The following USP34 variants were observed in gnomAD, a reference collection of about 807,000 sequenced individuals.
USP34 encodes ubiquitin specific peptidase 34.
USP34 carries 70 observed loss-of-function variants against 460.3 expected under a neutral mutation model. The ratio of observed to expected loss-of-function variants is 0.15; its 90% CI spans 0.13 to 0.19. USP34 has a LOEUF of 0.19. Among genes scored for constraint, USP34 ranks in the 10% least tolerant of loss-of-function variants. The probability of loss-of-function intolerance (pLI) is 1.00; values close to 1 mark genes in which losing one functional copy is unlikely to be tolerated. For synonymous variants in USP34, 1,647 were observed against 1,405.3 expected, an observed-to-expected ratio of 1.17 and a Z score of -3.85; for missense variants, 3,985 against 4,236.2, an observed-to-expected ratio of 0.94 and a Z score of 1.65.
intron 30 of USP34, 70 bp downstream of exon 30, chr2:61,296,727 ATCT>A: frequency 6.8e-7 from 1 of 1,470,424 alleles, no homozygotes. Context: ...TCAACAGGCA[ATCT>A]TCTACACTGT....
At chr2:61,430,400 TC>T (rs1398065371) in intron 1 of USP34, among the ~76,000 whole-genome samples, 4 of 151,990 alleles carry the variant, frequency 2.6e-5, no homozygotes, top group Non-Finnish European at 5.9e-5. Flanking sequence ...CAAGACTGTC[TC>T]AAAAAATAAT....
chr2:61,386,800 AC>A (rs1475637741), intron 5 of USP34, among the ~76,000 whole-genome samples: 1 of 152,140 alleles, frequency 6.6e-6, no homozygotes, highest in Admixed American at 6.5e-5. Context: ...AAAGAAACAA[AC>A]AAAAAAAACT....
chr2:61,234,743 G>C (rs1401279822), intron 57 of USP34, among the ~76,000 whole-genome samples: 1 of 152,080 alleles, frequency 6.6e-6, no homozygotes, highest in Non-Finnish European at 1.5e-5. Context: ...GGGTTCAAGT[G>C]ATTCTCCTGC....
chr2:61,310,547 T>A (rs1244313872), intron 27 of USP34, among the ~76,000 whole-genome samples: 1 of 151,206 alleles, frequency 6.6e-6, no homozygotes, highest in Non-Finnish European at 1.5e-5. Context: ...TACATCTATA[T>A]AGCACATATA....
intron 8 of USP34, among the ~76,000 whole-genome samples, chr2:61,376,359 T>C (rs1692800206): frequency 6.6e-6 from 1 of 152,216 alleles, no homozygotes. Context: ...CTCAATACTT[T>C]TGTTCTCCTC....
chr2:61,412,568 C>A (rs1475379366), intron 2 of USP34, among the ~76,000 whole-genome samples: 1 of 151,736 alleles, frequency 6.6e-6, no homozygotes, highest in Non-Finnish European at 1.5e-5. Context: ...AATGAAATCT[C>A]CCACAAAATA....
chr2:61,327,682 T>G (rs1691136606), intron 20 of USP34, among the ~76,000 whole-genome samples: 1 of 152,168 alleles, frequency 6.6e-6, no homozygotes, highest in Admixed American at 6.6e-5. Context: ...ATGGGTCTAG[T>G]CCCTTTGTAC....
chr2:61,365,666 G>C (rs551229102), intron 10 of USP34, among the ~76,000 whole-genome samples: 65 of 152,208 alleles, frequency 4.3e-4, no homozygotes, highest in African/African-American at 1.5e-3. Context: ...GGATTTGTCA[G>C]AGTCACATAC....
At chr2:61,213,936 C>A (rs975234565) in intron 68 of USP34, 124 bp downstream of exon 68, 4 of 1,156,642 alleles carry the variant, frequency 3.5e-6, no homozygotes, top group Non-Finnish European at 4.8e-6. Flanking sequence ...AACAAATACA[C>A]ATTAAGTTCT....
intron 1 of USP34, among the ~76,000 whole-genome samples, chr2:61,464,375 T>C (rs886349451): frequency 6.6e-6 from 1 of 152,008 alleles, no homozygotes; most frequent in African/African-American, 2.4e-5. Flanking sequence ...AATACAGATA[T>C]TGGAGTAGCT....
chr2:61,231,543 C>G (rs1207706553), intron 58 of USP34, among the ~76,000 whole-genome samples: 1 of 151,952 alleles, frequency 6.6e-6, no homozygotes, highest in African/African-American at 2.4e-5. Context: ...GAGAGACACT[C>G]TCTCTACAAA....
At chr2:61,266,282 A>T in intron 41 of USP34, 115 bp from the exon 42 acceptor site, 1 of 953,496 alleles carries the variant, frequency 1.0e-6, no homozygotes, top group Non-Finnish European at 1.5e-6. Flanking sequence ...AACGTATAGC[A>T]GCATGATATA....
intron 1 of USP34, among the ~76,000 whole-genome samples, chr2:61,432,692 A>G (rs917855427): frequency 1.3e-5 from 2 of 152,178 alleles, no homozygotes; most frequent in Non-Finnish European, 2.9e-5. Context: ...ATTTACTTCA[A>G]GCTAATCCAG....
chr2:61,278,030 A>G, intron 41 of USP34, 135 bp downstream of exon 41: 2 of 1,143,502 alleles, frequency 1.7e-6, no homozygotes, highest in East Asian at 5.4e-5. Context: ...GAGTCGAATT[A>G]AACCCTTTTC....
At chr2:61,372,885 A>G (rs1692673766) in intron 8 of USP34, among the ~76,000 whole-genome samples, 1 of 152,106 alleles carries the variant, frequency 6.6e-6, no homozygotes. Flanking sequence ...AAAGTTGATG[A>G]AACACATTCA....
intron 1 of USP34, among the ~76,000 whole-genome samples, chr2:61,467,434 A>G (rs1478687138): frequency 6.6e-6 from 1 of 152,028 alleles, no homozygotes; most frequent in Non-Finnish European, 1.5e-5. Flanking sequence ...ACAGGGGCGC[A>G]CCACCACGTC....
chr2:61,395,555 T>A (rs1327286421), intron 3 of USP34, among the ~76,000 whole-genome samples: 1 of 151,578 alleles, frequency 6.6e-6, no homozygotes, highest in African/African-American at 2.4e-5. Flanking sequence ...TCCCAGCACT[T>A]TGGGAGGCCG....
chr2:61,235,678 T>G (rs1191110190), intron 57 of USP34, among the ~76,000 whole-genome samples, 167 bp downstream of exon 57: 1 of 152,130 alleles, frequency 6.6e-6, no homozygotes, highest in African/African-American at 2.4e-5. Flanking sequence ...GTGTAATGGA[T>G]GTGATATATA....
At chr2:61,247,473 T>A (rs1042598334) in intron 49 of USP34, among the ~76,000 whole-genome samples, 1 of 152,170 alleles carries the variant, frequency 6.6e-6, no homozygotes, top group African/African-American at 2.4e-5. Context: ...AGTGGAAACA[T>A]CACAAGAAAT....
Sources: gnomAD v4.1 joint callset for allele counts (sites outside exome capture counted in the v4.1 genomes callset) on GRCh38, gnomAD v4.1.1 for gene constraint, MANE v1.5 for transcripts, NCBI Gene and HGNC (gene_info 2026-07-23, HGNC 2026-07-21) for gene names.